CNTN4: variants seen among roughly 807,000 people sequenced by gnomAD.
CNTN4 encodes the protein contactin-4.
A neutral mutation model predicts 122.5 loss-of-function variants in CNTN4; 77 were observed. That is an observed-to-expected ratio of 0.63 (90% CI 0.52 to 0.76). CNTN4 has a LOEUF of 0.76. Among genes scored for constraint, CNTN4 ranks in the 30% least tolerant of loss-of-function variants. The pLI, the probability that CNTN4 is intolerant of heterozygous loss-of-function variation, is 0.00. For synonymous variants in CNTN4, 512 were observed against 447.0 expected (o/e 1.15, Z -1.83); for missense variants, 1,256 against 1,259.1 (o/e 1.00, Z 0.04).
At chr3:2,376,349 ATTAATG>A (rs1053765436) in intron 3 of CNTN4, among the ~76,000 whole-genome samples, 27 of 152,220 alleles carry the variant, frequency 1.8e-4, no homozygotes, top group African/African-American at 6.5e-4. Context: ...CACAATAAAT[ATTAATG>A]TTAATGGTGA....
At chr3:2,099,449 A>T (rs1350328059) in intron 1 of CNTN4, 1 of 152,682 alleles carries the variant, frequency 6.5e-6, no homozygotes, top group African/African-American at 2.4e-5. Context: ...CTGACAGCCC[A>T]GTCACAGCCC....
intron 2 of CNTN4, among the ~76,000 whole-genome samples, chr3:2,170,385 A>T (rs1383598670): frequency 6.6e-6 from 1 of 152,208 alleles, no homozygotes; most frequent in Non-Finnish European, 1.5e-5. Context: ...AGAAATACAA[A>T]AAAATTAGAA....
At chr3:2,835,608 C>T (rs777027784) in intron 7 of CNTN4, among the ~76,000 whole-genome samples, 1 of 152,072 alleles carries the variant, frequency 6.6e-6, no homozygotes, top group Non-Finnish European at 1.5e-5. Context: ...TTATACAACA[C>T]CACAAATTTT....
intron 14 of CNTN4, among the ~76,000 whole-genome samples, chr3:2,993,805 T>C (rs1044811629): frequency 6.6e-6 from 1 of 152,192 alleles, no homozygotes; most frequent in African/African-American, 2.4e-5. Context: ...CCCCTGCTGA[T>C]CTTGCATGCT....
chr3:2,404,903 G>C (rs1449136541), intron 3 of CNTN4, among the ~76,000 whole-genome samples: 1 of 152,060 alleles, frequency 6.6e-6, no homozygotes, highest in East Asian at 1.9e-4. Flanking sequence ...CATCTGAATG[G>C]GATGGAGACA....
At chr3:2,519,195 G>A (rs1179214969) in intron 3 of CNTN4, among the ~76,000 whole-genome samples, 1 of 152,176 alleles carries the variant, frequency 6.6e-6, no homozygotes, top group Non-Finnish European at 1.5e-5. Context: ...TGTTTCAAGT[G>A]TCTTTAGCTC....
intron 15 of CNTN4, among the ~76,000 whole-genome samples, chr3:3,027,234 C>A (rs1476592569): frequency 6.6e-6 from 1 of 152,106 alleles, no homozygotes; most frequent in Non-Finnish European, 1.5e-5. Context: ...CACAGAATGC[C>A]CAAAACAATT....
At chr3:2,395,026 A>G (rs1177137345) in intron 3 of CNTN4, among the ~76,000 whole-genome samples, 3 of 152,134 alleles carry the variant, frequency 2.0e-5, no homozygotes, top group African/African-American at 4.8e-5. Context: ...GCCTCAAGTC[A>G]TCTGCCTGCC....
chr3:2,357,380 G>A (rs1188447438), intron 3 of CNTN4, among the ~76,000 whole-genome samples: 1 of 152,168 alleles, frequency 6.6e-6, no homozygotes, highest in Non-Finnish European at 1.5e-5. Context: ...TGGTGATTCT[G>A]TTATACCAAC....
chr3:2,689,837 C>T (rs917783555), intron 4 of CNTN4, among the ~76,000 whole-genome samples: 1 of 152,114 alleles, frequency 6.6e-6, no homozygotes, highest in African/African-American at 2.4e-5. Flanking sequence ...TGCCTATCTC[C>T]AGCACATACA....
chr3:2,854,757 C>T (rs2093600264), intron 7 of CNTN4, among the ~76,000 whole-genome samples: 1 of 152,112 alleles, frequency 6.6e-6, no homozygotes, highest in African/African-American at 2.4e-5. Flanking sequence ...TGAAAGCTTG[C>T]TCAGTCAGTC....
At chr3:2,394,232 C>T (rs13068536) in intron 3 of CNTN4, among the ~76,000 whole-genome samples, 2 of 151,664 alleles carry the variant, frequency 1.3e-5, no homozygotes, top group African/African-American at 4.8e-5. Context: ...AAAGGAAGCC[C>T]CTAGAGGCTG....
intron 6 of CNTN4, among the ~76,000 whole-genome samples, chr3:2,768,189 A>G (rs778118939): frequency 9.9e-5 from 15 of 152,168 alleles, no homozygotes; most frequent in Non-Finnish European, 1.6e-4. Context: ...GGTGGCCTCG[A>G]TGCTTCTGAA....
Position 2,315,018 on chromosome 3 carries a change from T to TAG in CNTN4, c.-144-24160_-144-24159insAG, listed in dbSNP as rs1452293107. Among the ~76,000 whole-genome samples the TAG allele has an allele frequency of 3.9e-5, 6 of 152,168 alleles. No homozygotes were observed. The East Asian group carries it at 1.2e-3, about 29-fold the overall frequency. On this transcript the variant is annotated intron_variant, in intron 2 of 24. Transcript: ENST00000418658. ...TTTCAATAAACATGTTATTTTATAT[T>TAG]TCCTAAGAGTTTTTAATTTAAATAA...
At chr3:2,449,489 CCT>C (rs2048745460) in intron 3 of CNTN4, among the ~76,000 whole-genome samples, 1 of 151,934 alleles carries the variant, frequency 6.6e-6, no homozygotes, top group South Asian at 2.1e-4. Context: ...GTGATGCACC[CCT>C]GTTATCCCAG....
At chr3:2,216,903 A>G (rs1016534747) in intron 2 of CNTN4, among the ~76,000 whole-genome samples, 1 of 152,088 alleles carries the variant, frequency 6.6e-6, no homozygotes, top group South Asian at 2.1e-4. Flanking sequence ...GCTGCAATCC[A>G]CTACCCTTTA....
chr3:2,191,120 G>C (rs1255400111), intron 2 of CNTN4, among the ~76,000 whole-genome samples: 25 of 151,986 alleles, frequency 1.6e-4, no homozygotes, highest in Admixed American at 1.6e-3. Context: ...TGAAGAGATG[G>C]GGTCTGTCTT....
At chr3:2,203,534 A>C (rs1308915102) in intron 2 of CNTN4, among the ~76,000 whole-genome samples, 1 of 152,118 alleles carries the variant, frequency 6.6e-6, no homozygotes, top group East Asian at 1.9e-4. Flanking sequence ...GTCTTTGGCC[A>C]AGGTACAACA....
chr3:2,812,319 C>T (rs2092632218), intron 6 of CNTN4, among the ~76,000 whole-genome samples: 4 of 152,088 alleles, frequency 2.6e-5, no homozygotes, highest in Non-Finnish European at 4.4e-5. Context: ...TGTATAGAAA[C>T]AATATTTTTA....
Sources: allele counts gnomAD v4.1 joint callset (sites outside exome capture counted in the v4.1 genomes callset), GRCh38; gene constraint gnomAD v4.1.1; transcripts MANE v1.5; gene names NCBI Gene and HGNC (gene_info 2026-07-23, HGNC 2026-07-21).